Variants in ABCA13 observed in about 807,000 individuals in gnomAD.
ABCA13 encodes ATP-binding cassette sub-family A member 13.
Under a neutral mutation model 478.7 loss-of-function variants are expected in ABCA13, and 476 were observed. The observed-to-expected ratio is 0.99, with a 90% CI of 0.92 to 1.07. The LOEUF (loss-of-function observed/expected upper bound fraction) is 1.07. ABCA13 is among the 50% of genes least tolerant of loss of function. The pLI is 0.00. For missense variants in ABCA13, 6,060 were observed against 5,910.6 expected (o/e 1.03, Z -0.83); for synonymous variants, 2,252 against 2,158.9 (o/e 1.04, Z -1.20).
chr7:48,197,270 G>C (rs1798053382), intron 2 of ABCA13, among the ~76,000 whole-genome samples: 1 of 152,192 alleles, frequency 6.6e-6, no homozygotes, highest in Non-Finnish European at 1.5e-5. Context: ...TGGGAAAAGA[G>C]AAAGACAAGA....
At chr7:48,326,797 A>G (rs913815480) in intron 27 of ABCA13, among the ~76,000 whole-genome samples, 4 of 152,204 alleles carry the variant, frequency 2.6e-5, no homozygotes, top group African/African-American at 9.6e-5. Context: ...TGTGGTATGA[A>G]GGAGATGTGG....
chr7:48,204,529 G>A (rs1784673133), intron 3 of ABCA13, among the ~76,000 whole-genome samples: 1 of 152,104 alleles, frequency 6.6e-6, no homozygotes, highest in African/African-American at 2.4e-5. Context: ...TTTCTTAAAT[G>A]GCTTTCCTGA....
At chr7:48,299,625 A>G (rs1799869491) in intron 23 of ABCA13, among the ~76,000 whole-genome samples, 1 of 152,176 alleles carries the variant, frequency 6.6e-6, no homozygotes, top group Non-Finnish European at 1.5e-5. Flanking sequence ...GGAAGGAGTA[A>G]TCGGAGCAGC....
chr7:48,413,556 T>TA (rs149966095), intron 41 of ABCA13, among the ~76,000 whole-genome samples: 2 of 152,318 alleles, frequency 1.3e-5, no homozygotes, highest in African/African-American at 4.8e-5. Flanking sequence ...ATTATTTATA[T>TA]AAAATGTCAC....
rs1388408217 is a variant in ABCA13 at position 48,341,924 on chromosome 7, TA to T, written c.10204+3470del. Among the ~76,000 whole-genome samples the T allele has an allele frequency of 3.3e-4, 47 of 144,464 alleles. 1 individual carries two copies. The highest frequency in any genetic ancestry group is 1.5e-3 in the Admixed American group (21 of 14,280). The allele number at this position is 144,464 out of a possible 152,430, so 94.8% of individuals were successfully genotyped here. ...TCTGATATATATATACTCATATATA[TA>T]TACTCATATATATATATTCATATAT... On this transcript the variant is annotated intron_variant, in intron 29 of 61. Coordinates refer to ENST00000435803, the MANE Select transcript of ABCA13 (RefSeq NM_152701.5).
chr7:48,563,796 G>T (rs67702307), intron 55 of ABCA13, among the ~76,000 whole-genome samples: 4 of 1,802 alleles, frequency 2.2e-3, no homozygotes, highest in Admixed American at 9.3e-3. Context: ...TTTACTGCTT[G>T]TGTGTGTGTG....
intron 35 of ABCA13, among the ~76,000 whole-genome samples, chr7:48,379,481 A>G (rs1814009086): frequency 6.6e-6 from 1 of 152,182 alleles, no homozygotes; most frequent in African/African-American, 2.4e-5. Flanking sequence ...AAATTTTAAT[A>G]TAAAAGAGAA....
chr7:48,381,754 A>G (rs540717911), intron 35 of ABCA13, among the ~76,000 whole-genome samples: 1 of 152,338 alleles, frequency 6.6e-6, no homozygotes, highest in African/African-American at 2.4e-5. Flanking sequence ...TGGCCTGCAT[A>G]AGCCAGCAGG....
rs924504065 is a variant in ABCA13 at position 48,647,035 on chromosome 7, C to T, written c.*1523C>T. 1 of 152,126 alleles carries T rather than the reference C, an allele frequency of 6.6e-6. No homozygotes were observed. Among genetic ancestry groups the T allele is most frequent in the African/African-American group, 2.4e-5 (1 of 41,430 alleles). 9.4% of individuals were successfully genotyped at this position (152,126 alleles called of 1,614,324 possible). A position where few individuals can be genotyped will look rare whatever the true frequency, so the allele number is the denominator to read the frequency against. ...GACATTTCTGAGTTCAGACATTTCTCAACATTCTTTTAACAACATTTTTCT... is the reference window on the plus strand; with the variant it reads ...GACATTTCTGAGTTCAGACATTTCTTAACATTCTTTTAACAACATTTTTCT... On this transcript the variant is annotated 3_prime_UTR_variant, in exon 62 of 62. Coordinates refer to ENST00000435803, the MANE Select transcript of ABCA13 (RefSeq NM_152701.5).
intron 43 of ABCA13, among the ~76,000 whole-genome samples, chr7:48,456,585 A>C (rs1166184662): frequency 6.6e-6 from 1 of 152,160 alleles, no homozygotes; most frequent in Non-Finnish European, 1.5e-5. Flanking sequence ...ATCTACATGC[A>C]TTTGTATTTG....
intron 59 of ABCA13, among the ~76,000 whole-genome samples, chr7:48,637,390 A>AAAAAAAAAAAAAAAAAAAG: frequency 6.8e-6 from 1 of 147,208 alleles, no homozygotes; most frequent in Non-Finnish European, 1.5e-5. Context: ...GCAAAAAAAA[A>AAAAAAAAAAAAAAAAAAAG]AAAAAAAAAA....
At chr7:48,466,911 A>G (rs367692070) in intron 43 of ABCA13, 45 bp from the exon 44 acceptor site, 3 of 1,590,776 alleles carry the variant, frequency 1.9e-6, no homozygotes, top group Non-Finnish European at 2.6e-6. Context: ...GTTGGGAGCC[A>G]CTAATAATCC....
At chr7:48,454,352 T>C (rs929005011) in intron 42 of ABCA13, among the ~76,000 whole-genome samples, 2 of 152,162 alleles carry the variant, frequency 1.3e-5, no homozygotes, top group African/African-American at 4.8e-5. Context: ...CTGAGATTCG[T>C]TGGTAGAGGC....
chr7:48,341,706 T>C (rs1282355315), intron 29 of ABCA13, among the ~76,000 whole-genome samples: 2 of 151,154 alleles, frequency 1.3e-5, no homozygotes, highest in African/African-American at 4.9e-5. Flanking sequence ...CTGCTCTCTA[T>C]TGGTTTTTTC....
chr7:48,419,869 A>G (rs1820514928), intron 41 of ABCA13, among the ~76,000 whole-genome samples: 1 of 152,256 alleles, frequency 6.6e-6, no homozygotes, highest in South Asian at 2.1e-4. Context: ...TCTGGAATAT[A>G]TATACAATGT....
chr7:48,426,487 G>C (rs1424228881), intron 41 of ABCA13, among the ~76,000 whole-genome samples: 2 of 152,130 alleles, frequency 1.3e-5, no homozygotes, highest in African/African-American at 4.8e-5. Flanking sequence ...GTTGTGTAGA[G>C]AAATCAGAAG....
chr7:48,318,391 C>G (rs1289771053), intron 27 of ABCA13, among the ~76,000 whole-genome samples: 1 of 152,044 alleles, frequency 6.6e-6, no homozygotes. Context: ...CTCTGTCACC[C>G]AGGCTGGAGT....
intron 41 of ABCA13, among the ~76,000 whole-genome samples, chr7:48,416,393 G>A (rs1819987320): frequency 6.6e-6 from 1 of 152,078 alleles, no homozygotes; most frequent in African/African-American, 2.4e-5. Flanking sequence ...AGAGAGCTGG[G>A]CCTCGACAGA....
chr7:48,492,302 T>G (rs1050052124), intron 48 of ABCA13, among the ~76,000 whole-genome samples: 3 of 152,180 alleles, frequency 2.0e-5, no homozygotes, highest in Admixed American at 2.0e-4. Flanking sequence ...TTCTCCTGCA[T>G]CACCTTAAGC....
Sources: gnomAD v4.1 joint callset for allele counts (sites outside exome capture counted in the v4.1 genomes callset) on GRCh38, gnomAD v4.1.1 for gene constraint, MANE v1.5 for transcripts, NCBI Gene and HGNC (gene_info 2026-07-23, HGNC 2026-07-21) for gene names.